The following BNC2 variants were observed in gnomAD, a reference collection of about 807,000 sequenced individuals.
BNC2 encodes the protein zinc finger protein basonuclin-2.
In BNC2, 20 loss-of-function variants were observed where a neutral mutation model predicts 76.3. That is an observed-to-expected ratio of 0.26 (90% CI 0.18 to 0.38). The LOEUF is 0.38. BNC2 is among the 10% of genes least tolerant of loss of function. BNC2 has a pLI of 1.00. For synonymous variants in BNC2, 582 were observed against 514.8 expected (o/e 1.13, Z -1.77); for missense variants, 1,382 against 1,399.8 (o/e 0.99, Z 0.20).
chr9:16,630,454 G>A (rs1428330758), intron 3 of BNC2, among the ~76,000 whole-genome samples: 7 of 152,108 alleles, frequency 4.6e-5, no homozygotes, highest in Admixed American at 2.6e-4. Flanking sequence ...AGCAGTGTAC[G>A]CAATATGGTC....
intron 1 of BNC2, among the ~76,000 whole-genome samples, chr9:16,797,371 T>C (rs191564210): frequency 1.9e-4 from 29 of 152,302 alleles, no homozygotes; most frequent in Non-Finnish European, 2.5e-4. Context: ...CTCTGTACTA[T>C]AGATTTGACA....
intron 3 of BNC2, among the ~76,000 whole-genome samples, chr9:16,674,451 G>A (rs1822575899): frequency 6.6e-6 from 1 of 152,114 alleles, no homozygotes. Context: ...ATCTAAAGGA[G>A]TATCCTGGTG....
intron 1 of BNC2, among the ~76,000 whole-genome samples, chr9:16,764,162 G>A (rs1825628399): frequency 6.6e-6 from 1 of 152,180 alleles, no homozygotes; most frequent in African/African-American, 2.4e-5. Context: ...CTTGGGGTGT[G>A]TAGCTCACTC....
At chr9:16,465,720 C>G (rs1026875810) in intron 5 of BNC2, among the ~76,000 whole-genome samples, 4 of 152,104 alleles carry the variant, frequency 2.6e-5, no homozygotes, top group Non-Finnish European at 5.9e-5. Context: ...TCAACACTTT[C>G]TTAACATATC....
intron 3 of BNC2, among the ~76,000 whole-genome samples, chr9:16,673,005 T>G (rs1822525308): frequency 6.6e-6 from 1 of 152,150 alleles, no homozygotes; most frequent in Non-Finnish European, 1.5e-5. Context: ...CGCTGACAAT[T>G]TTCCTACGAG....
intron 1 of BNC2, among the ~76,000 whole-genome samples, chr9:16,782,515 A>G (rs890025236): frequency 1.5e-4 from 23 of 152,028 alleles, no homozygotes; most frequent in African/African-American, 5.5e-4. Context: ...TGACTTCTCT[A>G]TTTTCTCTGG....
At chr9:16,790,455 TTTTA>T (rs940275128) in intron 1 of BNC2, among the ~76,000 whole-genome samples, 3 of 152,186 alleles carry the variant, frequency 2.0e-5, no homozygotes, top group Non-Finnish European at 4.4e-5. Flanking sequence ...CTGAGAATTG[TTTTA>T]TTTATTTATA....
At chr9:16,609,604 T>G (rs1290548878) in intron 3 of BNC2, among the ~76,000 whole-genome samples, 1 of 152,238 alleles carries the variant, frequency 6.6e-6, no homozygotes, top group African/African-American at 2.4e-5. Flanking sequence ...AATAAAGGTA[T>G]GTAGAAGATG....
chr9:16,664,235 C>T (rs1822199615), intron 3 of BNC2, among the ~76,000 whole-genome samples: 1 of 152,170 alleles, frequency 6.6e-6, no homozygotes, highest in South Asian at 2.1e-4. Flanking sequence ...AAACATACTT[C>T]AGAGTCCCAA....
At chr9:16,539,773 G>A (rs28712566) in intron 5 of BNC2, among the ~76,000 whole-genome samples, 3,361 of 34,362 alleles carry the variant, frequency 0.098, 148 homozygotes, top group African/African-American at 0.26. Flanking sequence ...GGAAAAGAAA[G>A]GAAAGGAAAG....
chr9:16,728,002 A>G lies in BNC2; in HGVS notation c.130-5T>C. 6.2e-7 allele frequency: 1 copy of G among 1,612,776 alleles called. No homozygotes were observed. The highest frequency in any genetic ancestry group is 8.5e-7 in the Non-Finnish European group (1 of 1,179,822). On this transcript the variant is annotated splice_region_variant and splice_polypyrimidine_tract_variant and intron_variant, in intron 2 of 6. Transcript: ENST00000380672. ...ATCCACTTCTGCCTCTTCTGACTGA[A>G]AAGTGAAGGTGGATTTTTTGAGCCT...
chr9:16,569,402 A>G (rs1198525475), intron 4 of BNC2, among the ~76,000 whole-genome samples: 2 of 152,144 alleles, frequency 1.3e-5, no homozygotes, highest in Non-Finnish European at 2.9e-5. Context: ...CTTTCAGGGT[A>G]TGTGGATATA....
At chr9:16,718,633 C>T (rs559711327) in intron 3 of BNC2, among the ~76,000 whole-genome samples, 2 of 152,038 alleles carry the variant, frequency 1.3e-5, no homozygotes, top group Admixed American at 6.6e-5. Context: ...AATAAGAAAC[C>T]ATCATGCTAT....
At chr9:16,668,946 G>A (rs971748263) in intron 3 of BNC2, among the ~76,000 whole-genome samples, 5 of 152,294 alleles carry the variant, frequency 3.3e-5, no homozygotes, top group African/African-American at 1.2e-4. Context: ...CAATCTGTAT[G>A]TGAGTAAGTT....
intron 4 of BNC2, among the ~76,000 whole-genome samples, chr9:16,556,652 C>T (rs1431671178): frequency 7.2e-6 from 1 of 138,898 alleles, no homozygotes; most frequent in Non-Finnish European, 1.5e-5. Flanking sequence ...CCTGTAGTCC[C>T]AGTTACTCAG....
intron 1 of BNC2, among the ~76,000 whole-genome samples, chr9:16,807,619 T>C (rs1395884957): frequency 6.6e-6 from 1 of 152,166 alleles, no homozygotes; most frequent in African/African-American, 2.4e-5. Context: ...CTAAACACTA[T>C]CTGTGGGAAG....
intron 5 of BNC2, among the ~76,000 whole-genome samples, chr9:16,542,921 CAAAAG>C (rs1034980404): frequency 6.6e-6 from 1 of 152,092 alleles, no homozygotes; most frequent in African/African-American, 2.4e-5. Flanking sequence ...GTAAGTCACT[CAAAAG>C]AAACAGATAG....
At chr9:16,738,069 T>C (rs749866639) in intron 2 of BNC2, among the ~76,000 whole-genome samples, 1 of 151,680 alleles carries the variant, frequency 6.6e-6, no homozygotes, top group Non-Finnish European at 1.5e-5. Flanking sequence ...AAAGAAAGAA[T>C]AGAAAAAGGA....
intron 1 of BNC2, among the ~76,000 whole-genome samples, chr9:16,779,699 C>A (rs890528404): frequency 2.0e-5 from 3 of 151,852 alleles, no homozygotes; most frequent in Non-Finnish European, 2.9e-5. Flanking sequence ...CATGGATGAA[C>A]CTTGAAAATA....
Sources: gnomAD v4.1 joint callset for allele counts (sites outside exome capture counted in the v4.1 genomes callset) on GRCh38, gnomAD v4.1.1 for gene constraint, MANE v1.5 for transcripts, NCBI Gene and HGNC (gene_info 2026-07-23, HGNC 2026-07-21) for gene names.